Variants in SGCE observed in about 807,000 individuals in gnomAD.
The protein encoded by SGCE is epsilon-sarcoglycan.
SGCE carries 26 observed loss-of-function variants against 57.8 expected under a neutral mutation model. That is an observed-to-expected ratio of 0.45 (90% CI 0.33 to 0.62). The LOEUF (loss-of-function observed/expected upper bound fraction) is 0.62, where lower values mean the gene tolerates loss of function less well. SGCE is among the 20% of genes least tolerant of loss of function. The pLI is 0.02. For missense variants in SGCE, 468 were observed against 548.6 expected, an observed-to-expected ratio of 0.85 and a Z score of 1.47; for synonymous variants, 183 against 189.5, an observed-to-expected ratio of 0.97 and a Z score of 0.28.
At chr7:94,618,443 G>A (rs756800506) in intron 5 of SGCE, 24 of 253,108 alleles carry the variant, frequency 9.5e-5, no homozygotes, top group East Asian at 6.7e-4. Flanking sequence ...TAACTGGGGC[G>A]TCAATTTCCT....
intron 9 of SGCE, among the ~76,000 whole-genome samples, chr7:94,592,519 GTAAC>G (rs776845837): frequency 6.6e-5 from 10 of 152,050 alleles, no homozygotes; most frequent in Admixed American, 3.9e-4. Context: ...TAAGAAAACT[GTAAC>G]TAAATTATTA....
At chr7:94,627,534 A>G (rs183967288) in intron 3 of SGCE, 2 of 152,288 alleles carry the variant, frequency 1.3e-5, no homozygotes, top group East Asian at 1.9e-4. Flanking sequence ...ATCCTATTCC[A>G]GCCACACTTA....
intron 9 of SGCE, 109 bp from the exon 10 acceptor site, chr7:94,588,841 T>C (rs1192499161): frequency 4.9e-5 from 59 of 1,215,208 alleles, no homozygotes; most frequent in Non-Finnish European, 6.9e-5. Context: ...ACCCCAGTCA[T>C]GTAATCCAGC....
At chr7:94,601,424 C>G (rs1425357668) in intron 6 of SGCE, among the ~76,000 whole-genome samples, 1 of 119,800 alleles carries the variant, frequency 8.3e-6, no homozygotes, top group Non-Finnish European at 1.6e-5. Context: ...CCCAGTCTTA[C>G]TTAATTCTAT....
At chr7:94,639,085 A>G (rs1806014624) in intron 1 of SGCE, among the ~76,000 whole-genome samples, 1 of 152,222 alleles carries the variant, frequency 6.6e-6, no homozygotes, top group African/African-American at 2.4e-5. Flanking sequence ...AGTTAAAAAC[A>G]TAGGAATGGT....
At chr7:94,639,331 C>A in intron 1 of SGCE, 2 of 1,496,478 alleles carry the variant, frequency 1.3e-6, no homozygotes, top group Non-Finnish European at 9.0e-7. Context: ...GATTTACAAC[C>A]TAAACTCACC....
At chr7:94,648,960 G>C (rs1435748717) in intron 1 of SGCE, among the ~76,000 whole-genome samples, 1 of 152,154 alleles carries the variant, frequency 6.6e-6, no homozygotes, top group Non-Finnish European at 1.5e-5. Context: ...GATCAGATAA[G>C]GAAGTGAAAA....
chr7:94,636,369 C>T (rs1273856198), intron 1 of SGCE, among the ~76,000 whole-genome samples: 1 of 152,174 alleles, frequency 6.6e-6, no homozygotes, highest in East Asian at 1.9e-4. Context: ...TGCATATGGC[C>T]TCTGCCTCCT....
At chr7:94,599,521 G>T in intron 8 of SGCE, 176 bp downstream of exon 8, 1 of 605,062 alleles carries the variant, frequency 1.7e-6, no homozygotes, top group Non-Finnish European at 2.9e-6. Context: ...ACCCTTTTTA[G>T]TTTTAGTTTC....
Position 94,599,712 on chromosome 7 carries a change from T to C in SGCE, c.1049A>G (p.Asn350Ser). The change falls in exon 8 of 11, where the codon AAC (asparagine) becomes AGC (serine). Residue 350 changes from asparagine (N) to serine (S), a missense_variant. Asn to Ser is a conservative substitution (Grantham distance 46). Transcript: ENST00000648936. Reference sequence around the variant, plus strand: ...AGACACTTACTCTGGTGTTTGCATGTTTCTCTTTTCCCTAGAAACAAAACA... The same window carrying C: ...AGACACTTACTCTGGTGTTTGCATGCTTCTCTTTTCCCTAGAAACAAAACA... The part of the protein sequence containing the change: ...CCRREGVEKR[N>S]MQTPDIQLVH... 2 of 1,608,716 alleles carry C rather than the reference T, an allele frequency of 1.2e-6. No individual in the cohort carries two copies. Among genetic ancestry groups the C allele is most frequent in the Non-Finnish European group, 1.7e-6 (2 of 1,175,378 alleles).
In SGCE at chr7:94,588,634, CT is replaced by C. The variant is rs775868436; in HGVS notation, c.1297+54del. On this transcript the variant is annotated intron_variant, in intron 10 of 10. Transcript: ENST00000648936. ...ATAAATTATATAGTGCCATAATTAT[CT>C]TTTAATCTATTAGATTCATTCATAA... The C allele has an allele frequency of 6.4e-6, 10 of 1,558,932 alleles. No individual in the cohort carries two copies. The South Asian group carries it at 7.9e-5, about 12-fold the overall frequency.
At chr7:94,619,135 AT>A in intron 4 of SGCE, 179 bp from the exon 5 acceptor site, 1 of 606,702 alleles carries the variant, frequency 1.6e-6, no homozygotes, top group Non-Finnish European at 2.9e-6. Flanking sequence ...CATAACTGAC[AT>A]TAGAAACAGA....
rs1562867795 is a variant in SGCE at position 94,629,803 on chromosome 7, C to T, written c.148G>A (p.Val50Ile). Reference protein sequence around the residue: ...IFSKVHSDRNVYPSAGVLFVH... With the variant: ...IFSKVHSDRNIYPSAGVLFVH... ...AAGAGGACACCTGCTGATGGGTATACATTCCGATCGGAGTGTACCTTGGAG... is the reference window on the plus strand; with the variant it reads ...AAGAGGACACCTGCTGATGGGTATATATTCCGATCGGAGTGTACCTTGGAG... The change falls in exon 2 of 11, where the codon GTA becomes ATA. Residue 50 changes from valine (V) to isoleucine (I), a missense_variant. Val to Ile is a conservative substitution (Grantham distance 29). Transcript: ENST00000648936. 1.9e-6 allele frequency: 3 copies of T among 1,611,016 alleles called. No homozygotes were observed. Among genetic ancestry groups the T allele is most frequent in the East Asian group, 2.2e-5 (1 of 44,746 alleles).
intron 5 of SGCE, among the ~76,000 whole-genome samples, chr7:94,616,089 G>T (rs959108936): frequency 2.6e-5 from 4 of 152,174 alleles, no homozygotes; most frequent in African/African-American, 9.6e-5. Flanking sequence ...AAAGCTGTCA[G>T]TGAGTTCTGC....
intron 8 of SGCE, 157 bp downstream of exon 8, chr7:94,599,540 C>T: frequency 3.0e-6 from 2 of 664,264 alleles, no homozygotes; most frequent in Non-Finnish European, 5.3e-6. Context: ...TCTACCCCTC[C>T]TAAATATCTC....
Position 94,609,174 on chromosome 7 carries a change from C to A in SGCE, c.663-5722G>T, listed in dbSNP as rs1331776780. 4.6e-5 allele frequency among the ~76,000 whole-genome samples: 7 copies of A among 152,194 alleles called. No homozygotes were observed. In the East Asian group the frequency reaches 1.3e-3, roughly 29 times the overall value. Reference sequence around the variant, plus strand: ...TGCAAAATGCATATCTGATAAAGGACTGTTATCCAAAATATACAAAAAACA... The same window carrying A: ...TGCAAAATGCATATCTGATAAAGGAATGTTATCCAAAATATACAAAAAACA... On this transcript the variant is annotated intron_variant, in intron 5 of 10. Coordinates refer to ENST00000648936, the MANE Select transcript of SGCE (RefSeq NM_003919.3).
intron 5 of SGCE, among the ~76,000 whole-genome samples, chr7:94,614,213 A>C (rs1229233286): frequency 2.0e-5 from 3 of 151,962 alleles, no homozygotes; most frequent in Non-Finnish European, 4.4e-5. Context: ...ATTGGCACTA[A>C]ATTCTAAAAG....
chr7:94,612,083 G>A (rs946757599), intron 5 of SGCE, among the ~76,000 whole-genome samples: 3 of 151,936 alleles, frequency 2.0e-5, no homozygotes, highest in Non-Finnish European at 2.9e-5. Context: ...TTTTTCCTTG[G>A]TAATTGTGAA....
At chr7:94,619,859 A>G (rs997684949) in intron 4 of SGCE, 1 of 151,972 alleles carries the variant, frequency 6.6e-6, no homozygotes, top group Non-Finnish European at 1.5e-5. Flanking sequence ...ATGTGAACTT[A>G]CCTTGTACGA....
Sources: allele counts gnomAD v4.1 joint callset (sites outside exome capture counted in the v4.1 genomes callset), GRCh38; gene constraint gnomAD v4.1.1; transcripts MANE v1.5; gene names NCBI Gene and HGNC (gene_info 2026-07-23, HGNC 2026-07-21).